PCDHGA12: variants seen among roughly 807,000 people sequenced by gnomAD.
The protein encoded by PCDHGA12 is protocadherin gamma subfamily A, 12, also known as protocadherin gamma-A12.
A neutral mutation model predicts 61.1 loss-of-function variants in PCDHGA12; 43 were observed. The ratio of observed to expected loss-of-function variants is 0.70; its 90% confidence interval spans 0.55 to 0.91. PCDHGA12 has a LOEUF of 0.91. PCDHGA12 is among the 40% of genes least tolerant of loss of function. The pLI is 0.00. For missense variants in PCDHGA12, 1,236 were observed against 1,227.7 expected, an observed-to-expected ratio of 1.01 and a Z score of -0.10; for synonymous variants, 520 against 542.9, an observed-to-expected ratio of 0.96 and a Z score of 0.59.
chr5:141,436,594 G>A (rs79477223), intron 1 of PCDHGA12, among the ~76,000 whole-genome samples: 2 of 152,106 alleles, frequency 1.3e-5, no homozygotes, highest in African/African-American at 2.4e-5. Flanking sequence ...AAAGGTCGTG[G>A]TGATGGCTAG....
chr5:141,436,931 G>A (rs1026520169), intron 1 of PCDHGA12, among the ~76,000 whole-genome samples: 1 of 152,114 alleles, frequency 6.6e-6, no homozygotes, highest in Non-Finnish European at 1.5e-5. Context: ...CTTTTTCTTT[G>A]TCTGAACCAT....
At position 141,430,754 on chromosome 5, in the gene PCDHGA12, A is replaced by G. The variant is rs778266116; in HGVS notation, c.-6A>G. ...GAATTGAAAATAATTCTGGAGGAAG[A>G]TAAGAATGATTCCTGCGCGACTGCA... On this transcript the variant is annotated 5_prime_UTR_variant, in exon 1 of 4. Coordinates refer to ENST00000252085, the MANE Select transcript of PCDHGA12 (RefSeq NM_003735.3). The G allele has an allele frequency of 1.7e-5, 26 of 1,503,884 alleles. No individual in the cohort carries two copies. The highest frequency in any genetic ancestry group is 4.6e-5 in the East Asian group (2 of 43,172). 93.2% of individuals were successfully genotyped at this position (1,503,884 alleles called of 1,614,324 possible).
intron 1 of PCDHGA12, among the ~76,000 whole-genome samples, chr5:141,439,279 CT>C (rs2098102664): frequency 6.6e-6 from 1 of 151,930 alleles, no homozygotes; most frequent in African/African-American, 2.4e-5. Flanking sequence ...CATTCTGAGA[CT>C]GTGTTCCATG....
rs762138055 is a variant in PCDHGA12, at chr5:141,490,757, T to C, written c.2425-4050T>C. 6.2e-7 allele frequency: 1 copy of C among 1,613,918 alleles called. No homozygotes were observed. The highest frequency in any genetic ancestry group is 2.2e-5 in the East Asian group (1 of 44,892). On this transcript the variant is annotated intron_variant, in intron 1 of 3. Coordinates refer to ENST00000252085, the MANE Select transcript of PCDHGA12 (RefSeq NM_003735.3). The surrounding 1 kb of genome is among the most constrained non-coding windows in gnomAD (Gnocchi z 5.4). ...GTTCAGGGAGCCCCAGCCTCCTCCT[T>C]TGTGTATGTCAACCCAGAGGATGGA...
Position 141,489,214 on chromosome 5 carries a change from T to TA in PCDHGA12, c.2425-5592dup, listed in dbSNP as rs771766565. On this transcript the variant is annotated intron_variant, in intron 1 of 3. Transcript: ENST00000252085. This position sits in a 1 kb window ranked among gnomAD's most constrained non-coding sequence, Gnocchi z 4.5. ...CCTTGGAGACAGGACAGCACAGACTTACTCTCCACAAAGGGACTTCTGGGT... is the reference window on the plus strand; with the variant it reads ...CCTTGGAGACAGGACAGCACAGACTTAACTCTCCACAAAGGGACTTCTGGGT... 216 of 1,480,534 alleles carry TA rather than the reference T, an allele frequency of 1.5e-4. 4 individuals are homozygous for TA. The South Asian group carries it at 2.1e-3, about 14-fold the overall frequency. 91.7% of individuals were successfully genotyped at this position (1,480,534 alleles called of 1,614,324 possible).
chr5:141,472,268 A>G (rs399559), intron 1 of PCDHGA12, among the ~76,000 whole-genome samples: 152,324 of 152,332 alleles, frequency 1, 76,158 homozygotes, highest in Middle Eastern at 1. Flanking sequence ...ATAGCCGGGC[A>G]CAGTGGCTCA....
In PCDHGA12 at chr5:141,430,811, A is replaced by T; in HGVS notation, c.52A>T (p.Ile18Phe). ...RDYKGLVLLG[I>F]LLGTLWETGC... ...CTACAAAGGGCTTGTCCTGCTGGGA[A>T]TCCTCCTGGGGACTCTGTGGGAGAC... Residue 18 changes from isoleucine (I) to phenylalanine (F), a missense_variant, in exon 1 of 4, where the codon ATC becomes TTC. Ile to Phe is a conservative substitution (Grantham distance 21). Transcript: ENST00000252085. 6.5e-7 allele frequency: 1 copy of T among 1,527,400 alleles called. No homozygotes were observed. The highest frequency in any genetic ancestry group is 8.8e-7 in the Non-Finnish European group (1 of 1,140,698). The allele number at this position is 1,527,400 out of a possible 1,614,324, so 94.6% of individuals were successfully genotyped here.
rs768354664 is a variant in PCDHGA12 at position 141,485,690 on chromosome 5, A to C, written c.2425-9117A>C. On this transcript the variant is annotated intron_variant, in intron 1 of 3. Coordinates refer to ENST00000252085, the MANE Select transcript of PCDHGA12 (RefSeq NM_003735.3). This position sits in a 1 kb window ranked among gnomAD's most constrained non-coding sequence, Gnocchi z 5.7. ...CAATTCGATTAGCAGCTATAGGCTG[A>C]GCTCCAATGAACACTTTGCACTGGA... 1.6e-5 allele frequency: 26 copies of C among 1,614,106 alleles called. No individual in the cohort carries two copies. In the South Asian group the frequency reaches 2.7e-4, roughly 17 times the overall value.
chr5:141,501,891 T>G (rs2099811650), intron 2 of PCDHGA12, among the ~76,000 whole-genome samples: 1 of 152,128 alleles, frequency 6.6e-6, no homozygotes, highest in Admixed American at 6.5e-5. Context: ...CTGATCATCA[T>G]GGTTCCAACC....
chr5:141,488,939 T>C (rs1229571704), intron 1 of PCDHGA12, among the ~76,000 whole-genome samples: 1 of 152,114 alleles, frequency 6.6e-6, no homozygotes, highest in Non-Finnish European at 1.5e-5. Context: ...GGAAACTCCA[T>C]AATTGGTTGA....
In PCDHGA12 at chr5:141,485,865, C is replaced by T. The variant is rs1214425261; in HGVS notation, c.2425-8942C>T. The stretch of plus-strand genomic sequence containing the variant: ...TCTGGCACCGCAGAGCTCCGGGTAT[C>T]CGTGCTGGACGTAAACGACAACGCC... On this transcript the variant is annotated intron_variant, in intron 1 of 3. Transcript: ENST00000252085. The surrounding 1 kb of genome is among the most constrained non-coding windows in gnomAD (Gnocchi z 5.7). 23 of 1,614,182 alleles carry T rather than the reference C, an allele frequency of 1.4e-5. No homozygotes were observed. Among genetic ancestry groups the T allele is most frequent in the Non-Finnish European group, 1.8e-5 (21 of 1,180,034 alleles).
At chr5:141,500,500 C>T (rs6872480) in intron 2 of PCDHGA12, among the ~76,000 whole-genome samples, 1,599 of 152,210 alleles carry the variant, frequency 0.011, 36 homozygotes, top group African/African-American at 0.036. Context: ...TGAGCCACCG[C>T]GCCTGGCCGA....
intron 2 of PCDHGA12, among the ~76,000 whole-genome samples, chr5:141,500,333 A>G (rs1237684682): frequency 6.6e-6 from 1 of 151,336 alleles, no homozygotes; most frequent in Non-Finnish European, 1.5e-5. Context: ...CTCAGCCTCC[A>G]GAATAGCTGG....
rs143737031 is a variant in PCDHGA12 at position 141,454,359 on chromosome 5, G to C, written c.2424+21176G>C. Among the ~76,000 whole-genome samples, 105 of 152,200 alleles carry C rather than the reference G, an allele frequency of 6.9e-4. No individual in the cohort carries two copies. In the East Asian group the frequency reaches 0.014, roughly 20 times the overall value. ...AATGTTGGAAGTTGATCCAAACTTA[G>C]AAAGGAGTATGGCAACTTGTCAAGA... On this transcript the variant is annotated intron_variant, in intron 1 of 3. Coordinates refer to ENST00000252085, the MANE Select transcript of PCDHGA12 (RefSeq NM_003735.3).
rs1298454674 is a variant in PCDHGA12, at chr5:141,438,625, TATATATATATAC to T, written c.2424+5444_2424+5455del. 7.7e-3 allele frequency among the ~76,000 whole-genome samples: 357 copies of T among 46,390 alleles called. 5 individuals are homozygous for T. The East Asian group carries it at 0.082, about 11-fold the overall frequency. 30.4% of individuals were successfully genotyped at this position (46,390 alleles called of 152,430 possible). A position where few individuals can be genotyped will look rare whatever the true frequency, so the allele number is the denominator to read the frequency against. On this transcript the variant is annotated intron_variant, in intron 1 of 3. Transcript: ENST00000252085. ...ATATATATATATATATATATATATATATATATATATACACACACACACACACATATATGTATA... is the reference window on the plus strand; with the variant it reads ...ATATATATATATATATATATATATATACACACACACACACATATATGTATA...
Position 141,432,377 on chromosome 5 carries a change from C to T in PCDHGA12, c.1618C>T (p.Pro540Ser). 3.7e-6 allele frequency: 6 copies of T among 1,614,240 alleles called. No homozygotes were observed. Among genetic ancestry groups the T allele is most frequent in the Non-Finnish European group, 5.1e-6 (6 of 1,180,046 alleles). The change falls in exon 1 of 4, where the codon CCG becomes TCG. Residue 540 changes from proline to serine, a missense_variant. Transcript: ENST00000252085. This position sits in a 1 kb window ranked among gnomAD's most constrained non-coding sequence, Gnocchi z 6.0. ...AGTGATGGCGCGGGACAACGGGCAC[C>T]CGCCCCTCAGCAGCAACGTGTCGTT... ...VKVMARDNGH[P>S]PLSSNVSLSL...
intron 1 of PCDHGA12, among the ~76,000 whole-genome samples, chr5:141,457,424 C>T (rs1261475379): frequency 6.6e-6 from 1 of 152,068 alleles, no homozygotes; most frequent in Non-Finnish European, 1.5e-5. Context: ...TCCCTTTTTC[C>T]CCCCCACCAA....
intron 1 of PCDHGA12, among the ~76,000 whole-genome samples, chr5:141,463,641 C>T (rs182957065): frequency 2.0e-5 from 3 of 151,734 alleles, no homozygotes; most frequent in African/African-American, 7.2e-5. Context: ...TTAGTAGAGA[C>T]GGGGTTTCAC....
At position 141,476,973 on chromosome 5, in the gene PCDHGA12, A is replaced by C. The variant is rs1205314116; in HGVS notation, c.2425-17834A>C. Reference sequence around the variant, plus strand: ...GAAATTATTTACTCCTTCGGCAGCCACAACCGCGCCGGCGTGCGGCAACTA... The same window carrying C: ...GAAATTATTTACTCCTTCGGCAGCCCCAACCGCGCCGGCGTGCGGCAACTA... On this transcript the variant is annotated intron_variant, in intron 1 of 3. Coordinates refer to ENST00000252085, the MANE Select transcript of PCDHGA12 (RefSeq NM_003735.3). The surrounding 1 kb of genome is among the most constrained non-coding windows in gnomAD (Gnocchi z 7.6). 6.2e-7 allele frequency: 1 copy of C among 1,614,230 alleles called. No homozygotes were observed. The highest frequency in any genetic ancestry group is 2.2e-5 in the East Asian group (1 of 44,884).
Sources: gnomAD v4.1 joint callset for allele counts (sites outside exome capture counted in the v4.1 genomes callset) on GRCh38, gnomAD v4.1.1 for gene constraint, Gnocchi (gnomAD v3.1) non-coding constraint, MANE v1.5 for transcripts, NCBI Gene and HGNC (gene_info 2026-07-23, HGNC 2026-07-21) for gene names.